PIGN: variants seen among roughly 807,000 people sequenced by gnomAD.
PIGN encodes GPI ethanolamine phosphate transferase 1.
In PIGN, 117 loss-of-function variants were observed where a neutral mutation model predicts 125.4. That is an observed-to-expected ratio of 0.93 (90% CI 0.80 to 1.09). PIGN has a LOEUF of 1.09. PIGN is among the 50% of genes least tolerant of loss of function. PIGN has a pLI of 0.00. For synonymous variants in PIGN, 392 were observed against 377.8 expected, an observed-to-expected ratio of 1.04 and a Z score of -0.44; for missense variants, 1,075 against 1,094.9, an observed-to-expected ratio of 0.98 and a Z score of 0.26.
chr18:62,055,076 T>C (rs1371101457), intron 30 of PIGN, among the ~76,000 whole-genome samples: 2 of 152,226 alleles, frequency 1.3e-5, no homozygotes, highest in African/African-American at 2.4e-5. Flanking sequence ...AGAAACTGGA[T>C]TGACAGTCTC....
At chr18:62,031,627 C>G (rs1280257150) in intron 23 of PIGN, among the ~76,000 whole-genome samples, 1 of 152,190 alleles carries the variant, frequency 6.6e-6, no homozygotes, top group South Asian at 2.1e-4. Flanking sequence ...CCTCCCCAAA[C>G]ATGCAGGCAC....
At chr18:62,082,550 T>A (rs1401413064) in intron 28 of PIGN, 123 bp downstream of exon 28, 6 of 524,064 alleles carry the variant, frequency 1.1e-5, no homozygotes, top group African/African-American at 2.0e-5. Context: ...AATTTTCTCA[T>A]TTTTGTAATA....
intron 4 of PIGN, 100 bp from the exon 5 acceptor site, chr18:62,157,908 A>C (rs1267775320): frequency 8.6e-7 from 1 of 1,165,880 alleles, no homozygotes; most frequent in East Asian, 2.6e-5. Flanking sequence ...AATCAAAAGC[A>C]AAAAACTTAA....
chr18:62,152,448 C>T (rs913624349), intron 7 of PIGN, among the ~76,000 whole-genome samples: 3 of 151,998 alleles, frequency 2.0e-5, no homozygotes, highest in African/African-American at 7.3e-5. Context: ...TCTCAGGTTA[C>T]ATTTTAAAAG....
At position 62,157,793 on chromosome 18, in the gene PIGN, A is replaced by G; in HGVS notation, c.237T>C (p.His79=). 6.2e-7 allele frequency: 1 copy of G among 1,611,074 alleles called. No individual in the cohort carries two copies. The highest frequency in any genetic ancestry group is 8.5e-7 in the Non-Finnish European group (1 of 1,178,192). Residue 79 remains histidine, a synonymous_variant, in exon 5 of 31, where the codon CAT becomes CAC. Transcript: ENST00000640252. ...RAPFIRNIIM[H]EGSWGISHTR... is the part of the protein sequence containing the mutation. ...TATGAGATATGCCCCAGCTGCCTTC[A>G]TGCATTATGATATTCCTAAAAGATA...
In PIGN at chr18:62,084,626, A is replaced by G; in HGVS notation, c.2427-20T>C. ...TCAAAGCTAGGGAATTATAACAAGG[A>G]AAAAGAATTTAGAATTCACTCTGTA... On this transcript the variant is annotated intron_variant, in intron 26 of 30. Coordinates refer to ENST00000640252, the MANE Select transcript of PIGN (RefSeq NM_176787.5). 1.4e-6 allele frequency: 2 copies of G among 1,453,960 alleles called. No homozygotes were observed. The highest frequency in any genetic ancestry group is 1.9e-6 in the Non-Finnish European group (2 of 1,057,576). The allele number at this position is 1,453,960 out of a possible 1,614,324, so 90.1% of individuals were successfully genotyped here.
At chr18:62,112,210 G>C (rs2034906403) in intron 16 of PIGN, among the ~76,000 whole-genome samples, 1 of 152,046 alleles carries the variant, frequency 6.6e-6, no homozygotes, top group Admixed American at 6.6e-5. Flanking sequence ...TTACTTGGGG[G>C]AAATTATTTA....
chr18:62,151,582 A>G (rs1350332521), intron 7 of PIGN, among the ~76,000 whole-genome samples: 1 of 152,216 alleles, frequency 6.6e-6, no homozygotes, highest in Non-Finnish European at 1.5e-5. Flanking sequence ...GGGAAGAATC[A>G]TGGAAAGCGG....
At chr18:62,067,961 C>T (rs1225316388) in intron 30 of PIGN, among the ~76,000 whole-genome samples, 1 of 152,142 alleles carries the variant, frequency 6.6e-6, no homozygotes, top group East Asian at 1.9e-4. Context: ...ATAAGAATTG[C>T]TGTGTCGTGT....
intron 15 of PIGN, 70 bp from the exon 16 acceptor site, chr18:62,113,386 A>C (rs1221689515): frequency 3.4e-6 from 4 of 1,175,082 alleles, no homozygotes; most frequent in South Asian, 1.5e-5. Context: ...AAGAAAGGAA[A>C]ATTTTAAATT....
intron 2 of PIGN, 184 bp from the exon 3 acceptor site, chr18:62,162,513 C>T (rs1568246477): frequency 6.6e-6 from 1 of 152,020 alleles, no homozygotes; most frequent in Non-Finnish European, 1.5e-5. Flanking sequence ...GCAAAATAAC[C>T]TTGCAAAAAC....
At position 62,095,940 on chromosome 18, in the gene PIGN, C is replaced by T. The variant is rs764255726; in HGVS notation, c.2088G>A (p.Leu696=). 4 of 1,607,508 alleles carry T rather than the reference C, an allele frequency of 2.5e-6. No homozygotes were observed. The South Asian group carries it at 4.4e-5, about 18-fold the overall frequency. Reference sequence around the variant, plus strand: ...CTGGAGAACTCAGTAGTGGCACAACCAAGGAAGAGGCTGCAATGAAACAGA... The same window carrying T: ...CTGGAGAACTCAGTAGTGGCACAACTAAGGAAGAGGCTGCAATGAAACAGA... The part of the protein sequence containing the change: ...IISWATLASS[L]VVPLLSSPVL... Residue 696 remains leucine (L), a synonymous_variant, in exon 23 of 31, where the codon TTG becomes TTA. Transcript: ENST00000640252.
At chr18:62,096,039 A>C (rs2034171639) in intron 22 of PIGN, 89 bp from the exon 23 acceptor site, 1 of 707,822 alleles carries the variant, frequency 1.4e-6, no homozygotes, top group African/African-American at 1.8e-5. Flanking sequence ...TCACACCTGT[A>C]ATCTCAGCAC....
At chr18:62,116,687 A>T (rs1326929435) in intron 14 of PIGN, among the ~76,000 whole-genome samples, 2 of 152,220 alleles carry the variant, frequency 1.3e-5, no homozygotes, top group African/African-American at 2.4e-5. Context: ...ATAATGTCTT[A>T]TATTCCATTA....
intron 23 of PIGN, among the ~76,000 whole-genome samples, chr18:62,018,235 C>A (rs1399680718): frequency 6.6e-6 from 1 of 152,174 alleles, no homozygotes; most frequent in Non-Finnish European, 1.5e-5. Flanking sequence ...GTGAGGACTT[C>A]CAGCTGCTCT....
At chr18:62,062,967 T>A (rs1314412622) in intron 30 of PIGN, among the ~76,000 whole-genome samples, 1 of 139,932 alleles carries the variant, frequency 7.1e-6, no homozygotes, top group Admixed American at 7.9e-5. Context: ...TGTAAAGGAA[T>A]GTTAAGGATA....
intron 1 of PIGN, among the ~76,000 whole-genome samples, chr18:62,177,260 T>C (rs146435147): frequency 2.6e-5 from 4 of 152,336 alleles, no homozygotes; most frequent in African/African-American, 9.6e-5. Context: ...TCAGGTTCAT[T>C]GACTCTTTCT....
At chr18:62,058,182 T>C (rs1483162942) in intron 30 of PIGN, among the ~76,000 whole-genome samples, 1 of 152,134 alleles carries the variant, frequency 6.6e-6, no homozygotes, top group African/African-American at 2.4e-5. Context: ...TCACTCTCCC[T>C]GGACTATTTC....
At chr18:62,054,411 G>A (rs2031562398) in intron 30 of PIGN, among the ~76,000 whole-genome samples, 1 of 148,642 alleles carries the variant, frequency 6.7e-6, no homozygotes. Flanking sequence ...GCCCTGTTAA[G>A]AGGGTAAAAA....
Sources: gnomAD v4.1 joint callset for allele counts (sites outside exome capture counted in the v4.1 genomes callset) on GRCh38, gnomAD v4.1.1 for gene constraint, MANE v1.5 for transcripts, NCBI Gene and HGNC (gene_info 2026-07-23, HGNC 2026-07-21) for gene names.